The following DACH2 variants were observed in gnomAD, a reference collection of about 807,000 sequenced individuals.
DACH2 encodes the protein dachshund family transcription factor 2, also known as dachshund homolog 2.
DACH2 carries 17 observed loss-of-function variants against 35.8 expected under a neutral mutation model. The observed-to-expected ratio is 0.48, with a 90% confidence interval of 0.33 to 0.71. DACH2 has a LOEUF of 0.71. Ranked by LOEUF, DACH2 falls within the 30% of genes least tolerant of loss-of-function variation. The probability of loss-of-function intolerance (pLI) is 0.02; values close to 1 mark genes in which losing one functional copy is unlikely to be tolerated. For missense variants in DACH2, 469 were observed against 472.7 expected (o/e 0.99, Z 0.07); for synonymous variants, 195 against 177.3 (o/e 1.10, Z -0.79).
intron 2 of DACH2, among the ~76,000 whole-genome samples, chrX:86,397,179 TG>T (rs2036313275): frequency 9.0e-6 from 1 of 111,023 alleles, no homozygotes; most frequent in African/African-American, 3.3e-5. Context: ...ACTCATGATT[TG>T]GCTCTCTGTT....
chrX:86,166,477 T>C (rs2030949146), intron 1 of DACH2, among the ~76,000 whole-genome samples: 1 of 111,597 alleles, frequency 9.0e-6, no homozygotes, highest in East Asian at 2.8e-4. Context: ...AGTCTTTATG[T>C]TTTTCCAAAT....
intron 7 of DACH2, among the ~76,000 whole-genome samples, chrX:86,786,170 CAGAT>C (rs759581655): frequency 9.0e-6 from 1 of 111,538 alleles, no homozygotes; most frequent in African/African-American, 3.3e-5. Context: ...GGAAGACAGT[CAGAT>C]AGATAACCAT....
chrX:86,254,803 T>TAG (rs1191986026), intron 1 of DACH2, among the ~76,000 whole-genome samples: 1 of 65,137 alleles, frequency 1.5e-5, no homozygotes, highest in African/African-American at 8.6e-5. Flanking sequence ...TATATATATA[T>TAG]ATATAGAGAG....
intron 2 of DACH2, among the ~76,000 whole-genome samples, chrX:86,417,112 AAAAG>A (rs1341731710): frequency 1.9e-5 from 2 of 104,560 alleles, no homozygotes; most frequent in African/African-American, 7.0e-5. Flanking sequence ...AAAAAAAAAA[AAAAG>A]AAACCACAGT....
At chrX:86,454,977 G>T (rs756753172) in intron 2 of DACH2, among the ~76,000 whole-genome samples, 39 of 111,410 alleles carry the variant, frequency 3.5e-4, no homozygotes, top group Non-Finnish European at 6.8e-4. Context: ...TTTTGTTGTT[G>T]TTGTTGTTTT....
intron 3 of DACH2, among the ~76,000 whole-genome samples, chrX:86,579,240 C>G (rs948735053): frequency 9.1e-6 from 1 of 110,304 alleles, no homozygotes; most frequent in Non-Finnish European, 1.9e-5. Flanking sequence ...TTACAGGCAC[C>G]TGCCATTATG....
At chrX:86,494,847 G>A (rs2038144121) in intron 2 of DACH2, among the ~76,000 whole-genome samples, 1 of 111,623 alleles carries the variant, frequency 9.0e-6, no homozygotes, top group Non-Finnish European at 1.9e-5. Flanking sequence ...ATTCAAAATG[G>A]GCATTGCCCA....
chrX:86,197,039 C>A (rs2147897791), intron 1 of DACH2, among the ~76,000 whole-genome samples: 1 of 111,704 alleles, frequency 9.0e-6, no homozygotes, highest in South Asian at 3.8e-4. Flanking sequence ...CAAAGGGAAG[C>A]CTGTCAAACT....
rs145424711 is a variant in DACH2 at position 86,663,432 on chromosome X, A to G, written c.772+12265A>G. Among the ~76,000 whole-genome samples the G allele has an allele frequency of 6.3e-3, 705 of 111,997 alleles. 3 individuals are homozygous for G. Among genetic ancestry groups the G allele is most frequent in the African/African-American group, 0.022 (668 of 30,906 alleles). ...GTGTTTAATGCAAAGCATAAAGTTA[A>G]TTGTAAAGCTACCCAGGGTATTATA... On this transcript the variant is annotated intron_variant, in intron 4 of 11. Transcript: ENST00000373125.
chrX:86,325,822 T>C (rs927353546), intron 1 of DACH2, among the ~76,000 whole-genome samples: 6 of 112,174 alleles, frequency 5.3e-5, no homozygotes, highest in Non-Finnish European at 9.4e-5. Flanking sequence ...TATTACAGTA[T>C]AGCAGAAAAA....
chrX:86,541,735 T>C (rs2038885169), intron 3 of DACH2, among the ~76,000 whole-genome samples: 2 of 111,793 alleles, frequency 1.8e-5, no homozygotes, highest in African/African-American at 6.5e-5. Flanking sequence ...CATTATCTTA[T>C]TTGATCTTAA....
At chrX:86,393,368 C>G (rs1164899237) in intron 2 of DACH2, among the ~76,000 whole-genome samples, 1 of 112,021 alleles carries the variant, frequency 8.9e-6, no homozygotes, top group Non-Finnish European at 1.9e-5. Context: ...ATGCTTTATC[C>G]ATCATTGTAT....
chrX:86,387,593 A>G (rs1009945573), intron 2 of DACH2, among the ~76,000 whole-genome samples: 1 of 111,815 alleles, frequency 8.9e-6, no homozygotes, highest in African/African-American at 3.2e-5. Flanking sequence ...GTTGTTATGA[A>G]AAGCAAAAAT....
intron 2 of DACH2, among the ~76,000 whole-genome samples, chrX:86,459,970 A>C (rs1159258331): frequency 9.0e-6 from 1 of 111,135 alleles, no homozygotes; most frequent in Admixed American, 9.7e-5. Context: ...TTGCTAATAA[A>C]GACTTAATTT....
At chrX:86,620,717 G>T (rs1209653727) in intron 3 of DACH2, among the ~76,000 whole-genome samples, 1 of 109,948 alleles carries the variant, frequency 9.1e-6, no homozygotes, top group East Asian at 2.9e-4. Context: ...TGGAAGGGCT[G>T]AGAGCTGGGG....
At chrX:86,186,916 T>C (rs1182850862) in intron 1 of DACH2, among the ~76,000 whole-genome samples, 1 of 112,021 alleles carries the variant, frequency 8.9e-6, no homozygotes, top group Non-Finnish European at 1.9e-5. Context: ...TATTTCATTT[T>C]GCAGATGGAG....
Position 86,319,615 on chromosome X carries a change from T to C in DACH2, c.489-57209T>C, listed in dbSNP as rs141852551. Among the ~76,000 whole-genome samples, 795 of 112,119 alleles carry C rather than the reference T, an allele frequency of 7.1e-3. 6 individuals carry two copies. The highest frequency in any genetic ancestry group is 0.025 in the African/African-American group (761 of 30,864). ...AGAAGCAGTTACAACCTTAAAACATTTAGCAAACCTAGTATCTGACCTGTA... is the reference window on the plus strand; with the variant it reads ...AGAAGCAGTTACAACCTTAAAACATCTAGCAAACCTAGTATCTGACCTGTA... On this transcript the variant is annotated intron_variant, in intron 1 of 11. Transcript: ENST00000373125.
At chrX:86,692,788 A>G (rs1174430095) in intron 4 of DACH2, among the ~76,000 whole-genome samples, 1 of 111,878 alleles carries the variant, frequency 8.9e-6, no homozygotes, top group Non-Finnish European at 1.9e-5. Flanking sequence ...TATCTTGAAC[A>G]TAGTGCTAAA....
At chrX:86,604,019 T>C (rs966127937) in intron 3 of DACH2, among the ~76,000 whole-genome samples, 2 of 111,649 alleles carry the variant, frequency 1.8e-5, no homozygotes, top group African/African-American at 6.5e-5. Flanking sequence ...TGTGATTTCA[T>C]TTCTTTTAAA....
Sources: gnomAD v4.1 joint callset for allele counts (sites outside exome capture counted in the v4.1 genomes callset) on GRCh38, gnomAD v4.1.1 for gene constraint, MANE v1.5 for transcripts, NCBI Gene and HGNC (gene_info 2026-07-23, HGNC 2026-07-21) for gene names.